The following SRGAP3 variants were observed in gnomAD, a reference collection of about 807,000 sequenced individuals.
SRGAP3 encodes the protein SLIT-ROBO Rho GTPase-activating protein 3.
SRGAP3 carries 39 observed loss-of-function variants against 121.1 expected under a neutral mutation model. The ratio of observed to expected loss-of-function variants is 0.32; its 90% CI spans 0.25 to 0.42. SRGAP3 has a LOEUF of 0.42. Ranked by LOEUF, SRGAP3 falls within the 10% of genes least tolerant of loss-of-function variation. SRGAP3 has a pLI of 1.00. For synonymous variants in SRGAP3, 601 were observed against 570.0 expected (o/e 1.05, Z -0.77); for missense variants, 1,213 against 1,470.6 (o/e 0.82, Z 2.86).
At chr3:9,349,002 GC>G (rs1402891564) in intron 1 of SRGAP3, 10 of 928,516 alleles carry the variant, frequency 1.1e-5, no homozygotes, top group Non-Finnish European at 1.4e-5. Flanking sequence ...CATGGCAACA[GC>G]CCCCCGGGCA....
At chr3:9,309,034 A>G (rs1955201064) in intron 3 of SRGAP3, among the ~76,000 whole-genome samples, 1 of 152,222 alleles carries the variant, frequency 6.6e-6, no homozygotes, top group South Asian at 2.1e-4. Context: ...ATGGAACATT[A>G]CCAAGTATGG....
intron 1 of SRGAP3, among the ~76,000 whole-genome samples, chr3:9,155,231 T>A (rs1476848335): frequency 2.6e-5 from 4 of 152,236 alleles, no homozygotes; most frequent in Admixed American, 2.6e-4. Context: ...TTCTTCCTAA[T>A]GGCCTTTTGG....
intron 3 of SRGAP3, among the ~76,000 whole-genome samples, chr3:9,087,499 G>A (rs1235809518): frequency 6.6e-6 from 1 of 152,204 alleles, no homozygotes; most frequent in Non-Finnish European, 1.5e-5. Flanking sequence ...AGTAAAGGAT[G>A]GTGTGATGTG....
chr3:9,338,132 T>C (rs1955722024), intron 1 of SRGAP3, among the ~76,000 whole-genome samples: 1 of 152,148 alleles, frequency 6.6e-6, no homozygotes, highest in South Asian at 2.1e-4. Flanking sequence ...GCCTAGAAGC[T>C]AGAGCCCTGC....
intron 3 of SRGAP3, among the ~76,000 whole-genome samples, chr3:9,097,489 C>T (rs1451690578): frequency 6.6e-6 from 1 of 152,118 alleles, no homozygotes; most frequent in African/African-American, 2.4e-5. Context: ...AATCAGAGTC[C>T]GGCCCCAGCC....
chr3:9,123,813 C>A (rs934139698), intron 2 of SRGAP3, among the ~76,000 whole-genome samples: 5 of 146,994 alleles, frequency 3.4e-5, no homozygotes, highest in African/African-American at 1.0e-4. Flanking sequence ...GAGAGAGAAA[C>A]AGGACAGGAC....
chr3:9,014,796 T>C (rs1413518237), intron 15 of SRGAP3: 1 of 152,182 alleles, frequency 6.6e-6, no homozygotes, highest in African/African-American at 2.4e-5. Context: ...TCTCTCAGAG[T>C]ACTGTGAGAA....
intron 3 of SRGAP3, among the ~76,000 whole-genome samples, chr3:9,311,034 G>A (rs756964566): frequency 4.6e-5 from 7 of 151,998 alleles, no homozygotes; most frequent in Non-Finnish European, 1.0e-4. Context: ...GCTGGGTGTG[G>A]TGGTGGGTGC....
At chr3:9,206,563 G>A (rs1436576879) in intron 1 of SRGAP3, among the ~76,000 whole-genome samples, 1 of 152,094 alleles carries the variant, frequency 6.6e-6, no homozygotes, top group East Asian at 1.9e-4. Context: ...TTGGCTGATG[G>A]TGCTCCTGCC....
At chr3:9,189,308 A>C (rs1951686496) in intron 1 of SRGAP3, among the ~76,000 whole-genome samples, 2 of 152,228 alleles carry the variant, frequency 1.3e-5, no homozygotes, top group African/African-American at 4.8e-5. Context: ...GACAAACTGA[A>C]GGTTAGGAAA....
chr3:9,255,627 C>T (rs573751332), intron 3 of SRGAP3, among the ~76,000 whole-genome samples: 1 of 152,146 alleles, frequency 6.6e-6, no homozygotes, highest in Non-Finnish European at 1.5e-5. Flanking sequence ...AGTGGGCTTG[C>T]CCTGGCACTT....
chr3:8,987,144 A>T (rs2617115), intron 21 of SRGAP3, among the ~76,000 whole-genome samples: 32,208 of 152,228 alleles, frequency 0.21, 5,454 homozygotes, highest in African/African-American at 0.47. Flanking sequence ...GGGGTGAGAT[A>T]ATGGATGTGA....
At chr3:9,104,013 G>A (rs1206583368) in intron 3 of SRGAP3, among the ~76,000 whole-genome samples, 1 of 152,162 alleles carries the variant, frequency 6.6e-6, no homozygotes, top group Non-Finnish European at 1.5e-5. Flanking sequence ...AGAAGCTCAC[G>A]GCAGTGTTAT....
intron 1 of SRGAP3, among the ~76,000 whole-genome samples, chr3:9,141,168 C>T (rs533514966): frequency 6.6e-6 from 1 of 152,296 alleles, no homozygotes; most frequent in East Asian, 1.9e-4. Context: ...AGGCCAGCCC[C>T]CACTCTGCCA....
At chr3:9,253,445 A>G (rs1954059737), upstream of SRGAP3, among the ~76,000 whole-genome samples, 1 of 152,228 alleles carries the variant, frequency 6.6e-6, no homozygotes, top group Admixed American at 6.5e-5. Flanking sequence ...TAACAGCTAA[A>G]CAATGCAAAA....
chr3:9,127,037 C>CA (rs1402246141), intron 1 of SRGAP3, among the ~76,000 whole-genome samples: 2 of 152,158 alleles, frequency 1.3e-5, no homozygotes, highest in Non-Finnish European at 2.9e-5. Flanking sequence ...CCTTGCTACT[C>CA]AAAGTGTGGT....
intron 1 of SRGAP3, among the ~76,000 whole-genome samples, chr3:9,151,533 G>C (rs971482034): frequency 6.6e-6 from 1 of 152,224 alleles, no homozygotes; most frequent in South Asian, 2.1e-4. Context: ...GGTTGGAAAG[G>C]AGAGAATGAA....
At chr3:9,099,258 C>A (rs957129196) in intron 3 of SRGAP3, among the ~76,000 whole-genome samples, 1 of 152,194 alleles carries the variant, frequency 6.6e-6, no homozygotes, top group African/African-American at 2.4e-5. Flanking sequence ...ACAAGCCCCC[C>A]ACATGGCCTC....
intron 9 of SRGAP3, among the ~76,000 whole-genome samples, chr3:9,049,014 G>A (rs1945424430): frequency 6.6e-6 from 1 of 152,090 alleles, no homozygotes; most frequent in South Asian, 2.1e-4. Flanking sequence ...AGTGAAGGAG[G>A]TAGATGTGCC....
Sources: allele counts gnomAD v4.1 joint callset (sites outside exome capture counted in the v4.1 genomes callset), GRCh38; gene constraint gnomAD v4.1.1; transcripts MANE v1.5; gene names NCBI Gene and HGNC (gene_info 2026-07-23, HGNC 2026-07-21).